Variants in WBP4 observed in about 807,000 individuals in gnomAD.
WBP4 encodes the protein WW domain-binding protein 4.
A neutral mutation model predicts 55.4 loss-of-function variants in WBP4; 37 were observed. The observed-to-expected ratio is 0.67, with a 90% confidence interval of 0.51 to 0.88. The LOEUF (loss-of-function observed/expected upper bound fraction) is 0.88, where lower values mean the gene tolerates loss of function less well. Among genes scored for constraint, WBP4 ranks in the 40% least tolerant of loss-of-function variants. The probability of loss-of-function intolerance (pLI) is 0.00; values close to 1 mark genes in which losing one functional copy is unlikely to be tolerated. For synonymous variants in WBP4, 142 were observed against 140.2 expected (o/e 1.01, Z -0.09); for missense variants, 398 against 420.8 (o/e 0.95, Z 0.47).
chr13:41,062,824 C>T, intron 2 of WBP4, 108 bp downstream of exon 2: 2 of 879,408 alleles, frequency 2.3e-6, no homozygotes, highest in African/African-American at 1.7e-5. Context: ...ATTGCTCTTG[C>T]ATTTTCAAAA....
intron 7 of WBP4, among the ~76,000 whole-genome samples, chr13:41,073,619 A>C (rs1259547348): frequency 3.9e-5 from 6 of 152,046 alleles, no homozygotes; most frequent in Non-Finnish European, 1.5e-5. Context: ...GTTCGAGACC[A>C]GCCTGACCAA....
chr13:41,070,821 A>C (rs1420420638), intron 5 of WBP4, among the ~76,000 whole-genome samples: 1 of 152,182 alleles, frequency 6.6e-6, no homozygotes, highest in Non-Finnish European at 1.5e-5. Context: ...AAGGTAGGAA[A>C]TAAGATCAGA....
chr13:41,071,477 A>G, intron 5 of WBP4, 50 bp from the exon 6 acceptor site: 3 of 1,545,498 alleles, frequency 1.9e-6, no homozygotes, highest in Non-Finnish European at 2.6e-6. Flanking sequence ...TTTGGAAAGT[A>G]TTTTTTTAAA....
chr13:41,081,970 T>G (rs2138487190), intron 9 of WBP4, among the ~76,000 whole-genome samples: 1 of 152,286 alleles, frequency 6.6e-6, no homozygotes, highest in Non-Finnish European at 1.5e-5. Flanking sequence ...GACTGATGGG[T>G]GTGATGTGAC....
rs772879193 is a variant in WBP4, at chr13:41,072,864, A to G, written c.562+7A>G. On this transcript the variant is annotated splice_region_variant and intron_variant, in intron 7 of 9. Coordinates refer to ENST00000379487, the MANE Select transcript of WBP4 (RefSeq NM_007187.5). ...TATAATACAGAAACAGGAGGTAAGT[A>G]TTACCTTTGATTATCTTAACTGTTT... 2.5e-5 allele frequency: 40 copies of G among 1,596,794 alleles called. No individual in the cohort carries two copies. The highest frequency in any genetic ancestry group is 4.0e-5 in the African/African-American group (3 of 74,424).
intron 4 of WBP4, among the ~76,000 whole-genome samples, chr13:41,066,762 G>C (rs1479293572): frequency 1.4e-5 from 2 of 147,196 alleles, no homozygotes; most frequent in Non-Finnish European, 3.0e-5. Flanking sequence ...GTCGTAAAGA[G>C]TGCGGCATTA....
chr13:41,061,631 C>CT lies in WBP4; in HGVS notation c.-42dup, dbSNP rs1877641627. The CT allele has an allele frequency of 1.2e-6, 2 of 1,614,124 alleles. No individual in the cohort carries two copies. The highest frequency in any genetic ancestry group is 1.7e-6 in the Non-Finnish European group (2 of 1,180,010). On this transcript the variant is annotated 5_prime_UTR_variant, in exon 1 of 10. Coordinates refer to ENST00000379487, the MANE Select transcript of WBP4 (RefSeq NM_007187.5). ...CTCGTCCCGCTGGGAAAGCGCGAGT[C>CT]TGAGTGGAACCCTGGACGACTTGCA...
At chr13:41,066,059 C>G (rs1360350572) in intron 4 of WBP4, among the ~76,000 whole-genome samples, 1 of 152,076 alleles carries the variant, frequency 6.6e-6, no homozygotes, top group African/African-American at 2.4e-5. Context: ...ACAGTTGTAG[C>G]CAGACTTTGT....
intron 8 of WBP4, 105 bp downstream of exon 8, chr13:41,076,342 T>C (rs1878492811): frequency 2.2e-6 from 2 of 922,082 alleles, no homozygotes; most frequent in Non-Finnish European, 3.1e-6. Context: ...ACAGTGGCAC[T>C]GTCTTGGCTC....
Position 41,061,649 on chromosome 13 carries a change from G to A in WBP4, c.-25G>A. 2 of 1,614,086 alleles carry A rather than the reference G, an allele frequency of 1.2e-6. No homozygotes were observed. Among genetic ancestry groups the A allele is most frequent in the Non-Finnish European group, 1.7e-6 (2 of 1,180,036 alleles). On this transcript the variant is annotated 5_prime_UTR_variant, in exon 1 of 10. Coordinates refer to ENST00000379487, the MANE Select transcript of WBP4 (RefSeq NM_007187.5). Reference sequence around the variant, plus strand: ...CGCGAGTCTGAGTGGAACCCTGGACGACTTGCAGAGCGGCTGGCGCAGTCA... The same window carrying A: ...CGCGAGTCTGAGTGGAACCCTGGACAACTTGCAGAGCGGCTGGCGCAGTCA...
intron 5 of WBP4, among the ~76,000 whole-genome samples, chr13:41,069,794 A>G (rs748349056): frequency 7.9e-5 from 12 of 151,046 alleles, no homozygotes; most frequent in Non-Finnish European, 1.0e-4. Flanking sequence ...AGGAGAATCA[A>G]TTGAACCCAG....
rs762292068 is a variant in WBP4, at chr13:41,068,544, T to G, written c.263-17T>G. ...AGTAGTTACTATAGCTGCTTTACCC[T>G]TCTCTCATCTCTTTAGAAATTTTGG... On this transcript the variant is annotated splice_polypyrimidine_tract_variant and intron_variant, in intron 4 of 9. Transcript: ENST00000379487. The G allele has an allele frequency of 1.3e-6, 2 of 1,572,374 alleles. No individual in the cohort carries two copies. The highest frequency in any genetic ancestry group is 2.4e-5 in the South Asian group (2 of 82,884).
intron 2 of WBP4, among the ~76,000 whole-genome samples, chr13:41,063,478 T>G (rs1231228174): frequency 6.6e-6 from 1 of 152,096 alleles, no homozygotes; most frequent in Non-Finnish European, 1.5e-5. Context: ...ATTTGGATTT[T>G]TTTTTGATGT....
At chr13:41,076,295 TTTGAGATG>T in intron 8 of WBP4, 58 bp downstream of exon 8, 2 of 1,051,138 alleles carry the variant, frequency 1.9e-6, no homozygotes. Context: ...TTTTTTTTTT[TTTGAGATG>T]GAGTCTTGTT....
intron 7 of WBP4, among the ~76,000 whole-genome samples, chr13:41,073,929 C>T (rs191355636): frequency 1.3e-5 from 2 of 151,960 alleles, no homozygotes; most frequent in East Asian, 3.9e-4. Flanking sequence ...TAATTGTTAT[C>T]TAAAACTTTT....
intron 3 of WBP4, 28 bp from the exon 4 acceptor site, chr13:41,065,136 C>CT: frequency 6.2e-7 from 1 of 1,603,124 alleles, no homozygotes; most frequent in Non-Finnish European, 8.5e-7. Flanking sequence ...CTTTATCTCA[C>CT]TTTCACTGTT....
chr13:41,072,520 C>T (rs938228218), intron 6 of WBP4, among the ~76,000 whole-genome samples: 1 of 152,228 alleles, frequency 6.6e-6, no homozygotes, highest in African/African-American at 2.4e-5. Context: ...CTCAGGGTAG[C>T]TTGCTCACTA....
At chr13:41,077,019 C>G (rs74046985) in intron 8 of WBP4, among the ~76,000 whole-genome samples, 1 of 151,916 alleles carries the variant, frequency 6.6e-6, no homozygotes, top group Admixed American at 6.6e-5. Flanking sequence ...ACAACAACAA[C>G]AAAAAAATAC....
At chr13:41,080,458 C>G (rs1878719553) in intron 8 of WBP4, among the ~76,000 whole-genome samples, 188 bp from the exon 9 acceptor site, 1 of 152,102 alleles carries the variant, frequency 6.6e-6, no homozygotes, top group South Asian at 2.1e-4. Context: ...CATGGTATAT[C>G]AACATTTCAG....
Sources: allele counts gnomAD v4.1 joint callset (sites outside exome capture counted in the v4.1 genomes callset), GRCh38; gene constraint gnomAD v4.1.1; transcripts MANE v1.5; gene names NCBI Gene and HGNC (gene_info 2026-07-23, HGNC 2026-07-21).